The following EMCN variants were observed in gnomAD, a reference collection of about 807,000 sequenced individuals.
EMCN encodes endomucin, also known as MUC-14.
A neutral mutation model predicts 38.4 loss-of-function variants in EMCN; 37 were observed. The observed-to-expected ratio is 0.96, with a 90% CI of 0.74 to 1.27. The LOEUF is 1.27. Among genes scored for constraint, EMCN ranks in the 50% most tolerant of loss-of-function variants. The pLI, the probability that EMCN is intolerant of heterozygous loss-of-function variation, is 0.00. For synonymous variants in EMCN, 95 were observed against 100.8 expected, an observed-to-expected ratio of 0.94 and a Z score of 0.35; for missense variants, 318 against 302.8, an observed-to-expected ratio of 1.05 and a Z score of -0.37.
intron 8 of EMCN, among the ~76,000 whole-genome samples, chr4:100,417,915 G>A (rs1378218918): frequency 1.3e-5 from 2 of 152,168 alleles, no homozygotes; most frequent in African/African-American, 4.8e-5. Flanking sequence ...TTATTCCATT[G>A]CAGCTTCTGT....
intron 3 of EMCN, among the ~76,000 whole-genome samples, chr4:100,468,240 T>C (rs1488818397): frequency 1.3e-5 from 2 of 152,214 alleles, no homozygotes; most frequent in Admixed American, 6.5e-5. Context: ...TGAAAACCAC[T>C]GCATAGGGCT....
intron 4 of EMCN, among the ~76,000 whole-genome samples, chr4:100,464,787 G>T (rs370156079): frequency 6.6e-6 from 1 of 151,976 alleles, no homozygotes; most frequent in Non-Finnish European, 1.5e-5. Flanking sequence ...GAGGATATTT[G>T]CATCTATGTC....
intron 5 of EMCN, among the ~76,000 whole-genome samples, chr4:100,426,818 C>T (rs566208364): frequency 6.6e-6 from 1 of 152,214 alleles, no homozygotes; most frequent in East Asian, 1.9e-4. Context: ...TCATGAGGTG[C>T]CCCTTTTTAA....
At chr4:100,487,317 T>C (rs372900537) in intron 1 of EMCN, among the ~76,000 whole-genome samples, 11 of 152,260 alleles carry the variant, frequency 7.2e-5, no homozygotes, top group African/African-American at 2.6e-4. Context: ...CACATCCTTG[T>C]AGGGAGCAAC....
intron 1 of EMCN, among the ~76,000 whole-genome samples, chr4:100,486,028 T>A (rs1418991058): frequency 6.6e-6 from 1 of 152,170 alleles, no homozygotes; most frequent in Non-Finnish European, 1.5e-5. Flanking sequence ...CTAGAGTAAC[T>A]TAAAAGTTTT....
intron 4 of EMCN, among the ~76,000 whole-genome samples, chr4:100,464,995 A>G (rs1728275580): frequency 6.6e-6 from 1 of 152,148 alleles, no homozygotes; most frequent in Non-Finnish European, 1.5e-5. Flanking sequence ...TGAAGCCATC[A>G]TGGCTTGGGG....
intron 5 of EMCN, among the ~76,000 whole-genome samples, chr4:100,439,014 A>G (rs1727431826): frequency 6.6e-6 from 1 of 152,022 alleles, no homozygotes. Flanking sequence ...TTAATCCTCA[A>G]TATTTTACTA....
intron 2 of EMCN, among the ~76,000 whole-genome samples, chr4:100,479,088 T>C (rs927062920): frequency 3.3e-5 from 5 of 152,186 alleles, no homozygotes; most frequent in Middle Eastern, 3.2e-3. Context: ...CTAGCTTTCA[T>C]TGGTCTTCTG....
chr4:100,401,421 T>C lies in EMCN; in HGVS notation c.*40-3048A>G, dbSNP rs550675837. Among the ~76,000 whole-genome samples the C allele has an allele frequency of 4.6e-5, 7 of 152,288 alleles. No individual in the cohort carries two copies. The South Asian group carries it at 1.5e-3, about 32-fold the overall frequency. On this transcript the variant is annotated intron_variant, in intron 11 of 11. Coordinates refer to ENST00000296420, the MANE Select transcript of EMCN (RefSeq NM_016242.4). ...AGAATTCGTGTAGGTTATATTCAAATACTATGCAGTTTTATTTACATCAGG... is the reference window on the plus strand; with the variant it reads ...AGAATTCGTGTAGGTTATATTCAAACACTATGCAGTTTTATTTACATCAGG...
chr4:100,453,332 A>G (rs1263959528), intron 4 of EMCN, among the ~76,000 whole-genome samples: 1 of 152,082 alleles, frequency 6.6e-6, no homozygotes, highest in Non-Finnish European at 1.5e-5. Context: ...CAAGAAAAAA[A>G]CAAACAACCC....
At chr4:100,452,579 C>T (rs1223988716) in intron 4 of EMCN, among the ~76,000 whole-genome samples, 1 of 152,000 alleles carries the variant, frequency 6.6e-6, no homozygotes, top group Non-Finnish European at 1.5e-5. Flanking sequence ...AGCAATAGTC[C>T]CTCCTTCCCT....
intron 4 of EMCN, among the ~76,000 whole-genome samples, chr4:100,454,698 T>C (rs766655866): frequency 1.3e-5 from 2 of 152,208 alleles, no homozygotes; most frequent in Non-Finnish European, 2.9e-5. Flanking sequence ...GAATACCAGA[T>C]AACTGTCACC....
At chr4:100,480,528 A>T (rs899567570) in intron 1 of EMCN, among the ~76,000 whole-genome samples, 3 of 151,410 alleles carry the variant, frequency 2.0e-5, no homozygotes, top group Non-Finnish European at 4.4e-5. Context: ...ATTATAATTA[A>T]TAAAGACAAG....
Position 100,473,373 on chromosome 4 carries a change from GT to G in EMCN, c.259+1664del, listed in dbSNP as rs1256284835. On this transcript the variant is annotated intron_variant, in intron 3 of 11. Transcript: ENST00000296420. The stretch of plus-strand genomic sequence containing the variant: ...GGCATTTCCCGTTTCGTGTTTTTTT[GT>G]TTTTTTTTTTTGTTTTTTTTTTTGC... Among the ~76,000 whole-genome samples, 24 of 66,014 alleles carry G rather than the reference GT, an allele frequency of 3.6e-4. 1 individual carries two copies. The highest frequency in any genetic ancestry group is 1.1e-3 in the African/African-American group (23 of 21,888). 43.3% of individuals were successfully genotyped at this position (66,014 alleles called of 152,430 possible).
intron 11 of EMCN, among the ~76,000 whole-genome samples, chr4:100,402,268 A>G (rs1349447522): frequency 1.3e-5 from 2 of 152,180 alleles, no homozygotes; most frequent in Non-Finnish European, 2.9e-5. Context: ...GATGATCAAT[A>G]TATGAAGCAA....
At chr4:100,479,475 T>A (rs1437902667) in intron 2 of EMCN, among the ~76,000 whole-genome samples, 2 of 152,174 alleles carry the variant, frequency 1.3e-5, no homozygotes, top group African/African-American at 4.8e-5. Context: ...GCAACAATAA[T>A]GATTACATTG....
At chr4:100,459,182 TC>T (rs1560623973) in intron 4 of EMCN, among the ~76,000 whole-genome samples, 1 of 2,942 alleles carries the variant, frequency 3.4e-4, no homozygotes, top group East Asian at 0.012. Context: ...TCTCTCTCTC[TC>T]TCTCTCTCTC....
At chr4:100,472,706 C>T (rs369928178) in intron 3 of EMCN, among the ~76,000 whole-genome samples, 17 of 152,082 alleles carry the variant, frequency 1.1e-4, no homozygotes, top group East Asian at 9.7e-4. Context: ...TTGGAGGACT[C>T]ACATTTCCTG....
intron 1 of EMCN, among the ~76,000 whole-genome samples, chr4:100,499,294 T>C (rs923367148): frequency 1.3e-5 from 2 of 152,208 alleles, no homozygotes; most frequent in African/African-American, 4.8e-5. Flanking sequence ...TTAAGTGTTT[T>C]GTAGAACTAA....
Sources: allele counts gnomAD v4.1 joint callset (sites outside exome capture counted in the v4.1 genomes callset), GRCh38; gene constraint gnomAD v4.1.1; transcripts MANE v1.5; gene names NCBI Gene and HGNC (gene_info 2026-07-23, HGNC 2026-07-21).